Variants in NTRK3 observed in about 807,000 individuals in gnomAD.
The protein encoded by NTRK3 is NT-3 growth factor receptor.
A neutral mutation model predicts 91.7 loss-of-function variants in NTRK3; 24 were observed. That is an observed-to-expected ratio of 0.26 (90% CI 0.19 to 0.37). NTRK3 has a LOEUF of 0.37. Ranked by LOEUF, NTRK3 falls within the 10% of genes least tolerant of loss-of-function variation. The probability of loss-of-function intolerance (pLI) is 1.00; values close to 1 mark genes in which losing one functional copy is unlikely to be tolerated. For synonymous variants in NTRK3, 483 were observed against 404.0 expected, an observed-to-expected ratio of 1.20 and a Z score of -2.34; for missense variants, 880 against 1,068.9, an observed-to-expected ratio of 0.82 and a Z score of 2.46.
chr15:88,225,252 C>T (rs573092650), intron 3 of NTRK3, among the ~76,000 whole-genome samples: 102 of 152,252 alleles, frequency 6.7e-4, no homozygotes, highest in Admixed American at 2.9e-3. Flanking sequence ...CAATGCAGGT[C>T]GGGGTTTTGC....
chr15:88,055,750 C>T (rs1196392217), intron 13 of NTRK3, among the ~76,000 whole-genome samples: 1 of 152,116 alleles, frequency 6.6e-6, no homozygotes, highest in Non-Finnish European at 1.5e-5. Flanking sequence ...GGCACCAGCC[C>T]TCTCTGGTTC....
intron 3 of NTRK3, among the ~76,000 whole-genome samples, chr15:88,249,717 C>T (rs2053173293): frequency 6.6e-6 from 1 of 152,182 alleles, no homozygotes; most frequent in African/African-American, 2.4e-5. Context: ...GGAGTCTTCA[C>T]TCCTTATGAC....
Position 88,048,860 on chromosome 15 carries a change from C to G in NTRK3, c.1397-15815G>C, listed in dbSNP as rs140546915. Reference sequence around the variant, plus strand: ...TGCCACAAGGGTCCTGAGTTCTAATCCAAGCTCTTACCCCAGCACTGCTGT... The same window carrying G: ...TGCCACAAGGGTCCTGAGTTCTAATGCAAGCTCTTACCCCAGCACTGCTGT... On this transcript the variant is annotated intron_variant, in intron 13 of 18. Coordinates refer to ENST00000394480, the Ensembl canonical transcript of NTRK3. 6.0e-4 allele frequency among the ~76,000 whole-genome samples: 92 copies of G among 152,264 alleles called. 1 individual carries two copies. In the East Asian group the frequency reaches 6.2e-3, roughly 10 times the overall value.
intron 14 of NTRK3, among the ~76,000 whole-genome samples, chr15:88,024,715 A>T (rs1219068285): frequency 6.6e-6 from 1 of 152,192 alleles, no homozygotes; most frequent in African/African-American, 2.4e-5. Flanking sequence ...CTTGAAAGTG[A>T]CATGTAGGGA....
At chr15:88,150,800 A>T (rs897511775) in intron 5 of NTRK3, among the ~76,000 whole-genome samples, 1 of 152,164 alleles carries the variant, frequency 6.6e-6, no homozygotes, top group Admixed American at 6.5e-5. Context: ...ACACACCACA[A>T]AACAAGCAGA....
chr15:88,195,362 C>A (rs1360867177), intron 3 of NTRK3, among the ~76,000 whole-genome samples: 1 of 152,244 alleles, frequency 6.6e-6, no homozygotes, highest in Non-Finnish European at 1.5e-5. Flanking sequence ...ACTATTGTAT[C>A]TGCAGCACTC....
chr15:88,144,646 A>G (rs1431094743), intron 6 of NTRK3, among the ~76,000 whole-genome samples: 5 of 152,144 alleles, frequency 3.3e-5, no homozygotes, highest in Non-Finnish European at 7.4e-5. Context: ...CTTACTAGCC[A>G]TGTGATCTTG....
chr15:87,937,713 T>A (rs963917578), intron 15 of NTRK3, among the ~76,000 whole-genome samples: 1 of 151,818 alleles, frequency 6.6e-6, no homozygotes. Flanking sequence ...AATAAGTAAA[T>A]GCTCAAAAGG....
In NTRK3 at chr15:88,168,205, A is replaced by G. The variant is rs997843680; in HGVS notation, c.395+15213T>C. On this transcript the variant is annotated intron_variant, in intron 5 of 18. Coordinates refer to ENST00000394480, the Ensembl canonical transcript of NTRK3. Reference sequence around the variant, plus strand: ...TCTAGCACAACCCCATGACTGTGAAATCACTTAATAAATGCCACTAGTGAT... The same window carrying G: ...TCTAGCACAACCCCATGACTGTGAAGTCACTTAATAAATGCCACTAGTGAT... 6.5e-4 allele frequency among the ~76,000 whole-genome samples: 99 copies of G among 152,308 alleles called. 1 individual carries two copies. Among genetic ancestry groups the G allele is most frequent in the African/African-American group, 2.2e-3 (92 of 41,572 alleles).
intron 13 of NTRK3, among the ~76,000 whole-genome samples, chr15:88,053,269 G>A (rs1254549786): frequency 6.6e-6 from 1 of 152,190 alleles, no homozygotes; most frequent in African/African-American, 2.4e-5. Flanking sequence ...AGGTCACAAG[G>A]GTTATAGGAG....
intron 17 of NTRK3, among the ~76,000 whole-genome samples, chr15:87,899,919 A>C (rs975707953): frequency 6.6e-6 from 1 of 152,188 alleles, no homozygotes; most frequent in Non-Finnish European, 1.5e-5. Context: ...GCCTTCTCAC[A>C]CACCTAAAGC....
intron 3 of NTRK3, among the ~76,000 whole-genome samples, chr15:88,248,349 G>A (rs963025882): frequency 6.6e-6 from 1 of 152,134 alleles, no homozygotes; most frequent in Non-Finnish European, 1.5e-5. Context: ...GACAGTGTTG[G>A]CCACACTGTT....
At chr15:88,222,916 T>C (rs547234764) in intron 3 of NTRK3, among the ~76,000 whole-genome samples, 5 of 152,140 alleles carry the variant, frequency 3.3e-5, no homozygotes, top group African/African-American at 9.6e-5. Context: ...GACCAAGGGG[T>C]CCCTGAGGAA....
intron 16 of NTRK3, 102 bp downstream of exon 16, chr15:87,932,910 G>T: frequency 8.7e-7 from 1 of 1,155,916 alleles, no homozygotes; most frequent in Non-Finnish European, 1.3e-6. Context: ...CATCCTGAGA[G>T]GAAAGTGTTT....
At chr15:88,140,044 GC>G (rs1427692760) in intron 6 of NTRK3, among the ~76,000 whole-genome samples, 6 of 152,176 alleles carry the variant, frequency 3.9e-5, no homozygotes, top group African/African-American at 1.4e-4. Context: ...GTCAAGGAGT[GC>G]TGGGAAACAA....
intron 17 of NTRK3, among the ~76,000 whole-genome samples, chr15:87,902,893 C>T (rs2066537045): frequency 6.6e-6 from 1 of 152,172 alleles, no homozygotes; most frequent in South Asian, 2.1e-4. Flanking sequence ...TAAGCCTCCT[C>T]TCACCCCGAC....
chr15:88,148,986 G>A (rs1410951812), intron 5 of NTRK3, among the ~76,000 whole-genome samples: 1 of 152,198 alleles, frequency 6.6e-6, no homozygotes, highest in Non-Finnish European at 1.5e-5. Context: ...ATCACATGGA[G>A]GCGATGGGAT....
intron 13 of NTRK3, among the ~76,000 whole-genome samples, chr15:88,046,784 T>G (rs1327732613): frequency 6.6e-6 from 1 of 152,164 alleles, no homozygotes; most frequent in African/African-American, 2.4e-5. Context: ...ACTCATCCCT[T>G]TCACAGACAT....
chr15:88,159,809 T>C (rs917686823), intron 5 of NTRK3, among the ~76,000 whole-genome samples: 1 of 152,050 alleles, frequency 6.6e-6, no homozygotes, highest in African/African-American at 2.4e-5. Flanking sequence ...TGCCCCTGGC[T>C]GGTCCAGGGC....
Sources: gnomAD v4.1 joint callset for allele counts (sites outside exome capture counted in the v4.1 genomes callset) on GRCh38, gnomAD v4.1.1 for gene constraint, MANE v1.5 for transcripts, NCBI Gene and HGNC (gene_info 2026-07-23, HGNC 2026-07-21) for gene names.